The following HFM1 variants were observed in gnomAD, a reference collection of about 807,000 sequenced individuals.
HFM1 encodes helicase for meiosis 1.
Under a neutral mutation model 192.1 loss-of-function variants are expected in HFM1, and 169 were observed. That is an observed-to-expected ratio of 0.88 (90% CI 0.78 to 1.00). The LOEUF is 1.00. Among genes scored for constraint, HFM1 ranks in the 50% least tolerant of loss-of-function variants. HFM1 has a pLI of 0.00. For synonymous variants in HFM1, 525 were observed against 537.8 expected, an observed-to-expected ratio of 0.98 and a Z score of 0.33; for missense variants, 1,661 against 1,668.0, an observed-to-expected ratio of 1.00 and a Z score of 0.07.
intron 4 of HFM1, among the ~76,000 whole-genome samples, chr1:91,390,778 T>A (rs1214474532): frequency 6.6e-6 from 1 of 152,144 alleles, no homozygotes; most frequent in Non-Finnish European, 1.5e-5. Context: ...GAGAAAGAAA[T>A]AATGGGTATT....
In HFM1 at chr1:91,319,295, CT is replaced by C. The variant is rs1651721119; in HGVS notation, c.2677del (p.Arg893AspfsTer7). The C allele has an allele frequency of 6.2e-7, 1 of 1,608,514 alleles. No homozygotes were observed. The highest frequency in any genetic ancestry group is 8.5e-7 in the Non-Finnish European group (1 of 1,175,066). On this transcript the variant is annotated frameshift_variant, in exon 24 of 39. Transcript: ENST00000370425. LOFTEE classifies it high-confidence loss of function. Reference protein sequence around the residue: ...KIFRHGSRITRWLSDFVAAQE... With the variant: ...KIFRHGSRITXWLSDFVAAQE... ...AATCCACTAATCCTGTAACATACAT[CT>C]TGTAATTCGGGAGCCATGTCTGAAA...
At chr1:91,335,886 G>A (rs28445469) in intron 20 of HFM1, among the ~76,000 whole-genome samples, 30,092 of 151,798 alleles carry the variant, frequency 0.2, 3,413 homozygotes, top group Non-Finnish European at 0.26. Flanking sequence ...GGGATGCTAA[G>A]GTACATCTAT....
At chr1:91,272,602 G>A (rs1435249030) in intron 34 of HFM1, among the ~76,000 whole-genome samples, 2 of 152,066 alleles carry the variant, frequency 1.3e-5, no homozygotes, top group African/African-American at 4.8e-5. Context: ...GAAGGAGTAA[G>A]TTAGAGGGCT....
intron 13 of HFM1, among the ~76,000 whole-genome samples, chr1:91,371,261 C>T (rs1029151301): frequency 1.3e-5 from 2 of 150,274 alleles, no homozygotes; most frequent in African/African-American, 2.5e-5. Context: ...CACATGGAAC[C>T]GAAAAAGAGC....
At chr1:91,399,436 AAAT>A (rs2102198327) in intron 2 of HFM1, among the ~76,000 whole-genome samples, 2 of 152,310 alleles carry the variant, frequency 1.3e-5, no homozygotes, top group South Asian at 4.1e-4. Flanking sequence ...TAATTTCAAT[AAAT>A]AATTGTTGAT....
chr1:91,335,977 T>G (rs115035800), intron 20 of HFM1, among the ~76,000 whole-genome samples: 2,714 of 137,494 alleles, frequency 0.02, 37 homozygotes, highest in Middle Eastern at 0.035. Context: ...TCTCTCCCTC[T>G]CTCCTTCCCT....
intron 13 of HFM1, among the ~76,000 whole-genome samples, chr1:91,368,155 C>G (rs970392875): frequency 3.3e-5 from 5 of 152,170 alleles, no homozygotes; most frequent in Admixed American, 1.3e-4. Context: ...AGAATGGAAC[C>G]AAGTTGGAAA....
At chr1:91,289,020 G>A (rs1296683935) in intron 30 of HFM1, among the ~76,000 whole-genome samples, 16 of 148,986 alleles carry the variant, frequency 1.1e-4, no homozygotes, top group South Asian at 2.2e-4. Context: ...CCCACCTCCC[G>A]GATGGGGCAG....
intron 6 of HFM1, 52 bp from the exon 7 acceptor site, chr1:91,381,034 C>G (rs1557497229): frequency 1.4e-6 from 1 of 691,184 alleles, no homozygotes; most frequent in Non-Finnish European, 2.3e-6. Context: ...AAATTAGTTA[C>G]TTTTATTTTA....
intron 30 of HFM1, among the ~76,000 whole-genome samples, 186 bp from the exon 31 acceptor site, chr1:91,277,248 T>G (rs1666914904): frequency 6.6e-6 from 1 of 151,824 alleles, no homozygotes; most frequent in Admixed American, 6.6e-5. Flanking sequence ...CTTGCTATCT[T>G]GCCTAGGCTG....
chr1:91,329,333 G>A, intron 20 of HFM1: 1 of 1,605,058 alleles, frequency 6.2e-7, no homozygotes, highest in African/African-American at 1.3e-5. Flanking sequence ...TCTCTGAGGA[G>A]CGAATCCACA....
At chr1:91,313,715 T>G (rs532344518) in intron 29 of HFM1, among the ~76,000 whole-genome samples, 121 of 152,094 alleles carry the variant, frequency 8.0e-4, no homozygotes, top group African/African-American at 2.9e-3. Flanking sequence ...GCAACTTAAC[T>G]ATCTAGGAAA....
chr1:91,378,171 T>C lies in HFM1; in HGVS notation c.1249A>G (p.Lys417Glu), dbSNP rs1661132467. The C allele has an allele frequency of 1.2e-6, 2 of 1,603,874 alleles. No homozygotes were observed. The highest frequency in any genetic ancestry group is 4.5e-5 in the East Asian group (2 of 44,654). ...LFLIDEVHIVKDENRGPTLEV... is the reference protein window; with the variant it reads ...LFLIDEVHIVEDENRGPTLEV... ...AGAGTTGGACCACGATTTTCATCTTTTACAATATGTACCTAAGCAGGAAAT... is the reference window on the plus strand; with the variant it reads ...AGAGTTGGACCACGATTTTCATCTTCTACAATATGTACCTAAGCAGGAAAT... The change falls in exon 11 of 39, where the codon AAA becomes GAA. Residue 417 changes from lysine to glutamate, a missense_variant. Coordinates refer to ENST00000370425, the MANE Select transcript of HFM1 (RefSeq NM_001017975.6).
intron 20 of HFM1, chr1:91,329,303 C>T (rs1653445572): frequency 6.8e-6 from 11 of 1,607,836 alleles, no homozygotes; most frequent in South Asian, 3.3e-5. Context: ...TGGTCAAGTT[C>T]GTGTGTGGTG....
chr1:91,296,358 T>C (rs1647566445), intron 30 of HFM1, among the ~76,000 whole-genome samples: 2 of 152,236 alleles, frequency 1.3e-5, no homozygotes, highest in South Asian at 2.1e-4. Context: ...TTCTGGACTC[T>C]AGTCCATTCC....
In HFM1 at chr1:91,292,806, T is replaced by C. The variant is rs1668931848; in HGVS notation, c.3392-15744A>G. 2.0e-5 allele frequency among the ~76,000 whole-genome samples: 3 copies of C among 152,196 alleles called. No homozygotes were observed. In the South Asian group the frequency reaches 6.2e-4, roughly 32 times the overall value. Reference sequence around the variant, plus strand: ...CACACTACCTGACTTCAAACTATACTACAAGGCTACAGTAACCAAAACAGC... The same window carrying C: ...CACACTACCTGACTTCAAACTATACCACAAGGCTACAGTAACCAAAACAGC... On this transcript the variant is annotated intron_variant, in intron 30 of 38. Coordinates refer to ENST00000370425, the MANE Select transcript of HFM1 (RefSeq NM_001017975.6).
At chr1:91,312,515 T>C (rs2101132391) in intron 30 of HFM1, among the ~76,000 whole-genome samples, 1 of 152,310 alleles carries the variant, frequency 6.6e-6, no homozygotes, top group African/African-American at 2.4e-5. Context: ...GCCCTTTGTT[T>C]TGGCCAATTT....
chr1:91,359,397 T>G (rs1237407568), intron 13 of HFM1, among the ~76,000 whole-genome samples: 1 of 152,066 alleles, frequency 6.6e-6, no homozygotes, highest in Non-Finnish European at 1.5e-5. Flanking sequence ...ACAGCCAGTT[T>G]AGAGAGGAAC....
intron 30 of HFM1, among the ~76,000 whole-genome samples, chr1:91,288,981 CG>C (rs1342972868): frequency 5.3e-5 from 8 of 149,730 alleles, no homozygotes; most frequent in African/African-American, 1.7e-4. Context: ...ACCTCCCGGA[CG>C]GGGCGGCTGG....
Sources: allele counts gnomAD v4.1 joint callset (sites outside exome capture counted in the v4.1 genomes callset), GRCh38; gene constraint gnomAD v4.1.1; transcripts MANE v1.5; gene names NCBI Gene and HGNC (gene_info 2026-07-23, HGNC 2026-07-21).